Variants in RFX3 observed in about 807,000 individuals in gnomAD.
The protein encoded by RFX3 is regulatory factor X3.
RFX3 carries 14 observed loss-of-function variants against 98.6 expected under a neutral mutation model. That is an observed-to-expected ratio of 0.14 (90% CI 0.09 to 0.22). The LOEUF (loss-of-function observed/expected upper bound fraction) is 0.22. RFX3 is among the 10% of genes least tolerant of loss of function. The pLI is 1.00. For synonymous variants in RFX3, 383 were observed against 328.4 expected, an observed-to-expected ratio of 1.17 and a Z score of -1.80; for missense variants, 639 against 926.9, an observed-to-expected ratio of 0.69 and a Z score of 4.03.
intron 1 of RFX3, among the ~76,000 whole-genome samples, chr9:3,402,178 G>C (rs553224884): frequency 6.6e-6 from 1 of 152,222 alleles, no homozygotes; most frequent in African/African-American, 2.4e-5. Flanking sequence ...AAAATAGGTA[G>C]TATCCACCTA....
intron 15 of RFX3, among the ~76,000 whole-genome samples, chr9:3,241,504 G>A (rs951299234): frequency 6.6e-6 from 1 of 152,132 alleles, no homozygotes; most frequent in African/African-American, 2.4e-5. Flanking sequence ...GCAGCCCTGG[G>A]CTGCTGAGTC....
At chr9:3,244,874 AT>A (rs1202823984) in intron 15 of RFX3, among the ~76,000 whole-genome samples, 3 of 152,198 alleles carry the variant, frequency 2.0e-5, no homozygotes, top group Admixed American at 6.5e-5. Context: ...GTAAAAATCC[AT>A]TTTTTTCATC....
chr9:3,510,801 A>G (rs1467440209), intron 1 of RFX3, among the ~76,000 whole-genome samples: 4 of 152,006 alleles, frequency 2.6e-5, no homozygotes, highest in African/African-American at 7.2e-5. Flanking sequence ...TGTTTGGCTC[A>G]TTAAACTTTA....
intron 2 of RFX3, among the ~76,000 whole-genome samples, chr9:3,390,211 G>A (rs368650971): frequency 8.5e-5 from 13 of 152,208 alleles, no homozygotes; most frequent in African/African-American, 3.1e-4. Context: ...CCCTGTGGTA[G>A]GTGATTGAAT....
chr9:3,363,432 A>G (rs544940827), intron 2 of RFX3, among the ~76,000 whole-genome samples: 76 of 152,324 alleles, frequency 5.0e-4, no homozygotes, highest in African/African-American at 1.7e-3. Context: ...GTCTATTGAT[A>G]TTATGCATAT....
At chr9:3,289,588 G>A (rs1028265131) in intron 6 of RFX3, among the ~76,000 whole-genome samples, 8 of 152,112 alleles carry the variant, frequency 5.3e-5, no homozygotes, top group African/African-American at 1.9e-4. Flanking sequence ...AACTACAGAG[G>A]AAAATGATGT....
At chr9:3,457,677 G>C (rs918130215) in intron 1 of RFX3, among the ~76,000 whole-genome samples, 1 of 151,908 alleles carries the variant, frequency 6.6e-6, no homozygotes, top group Non-Finnish European at 1.5e-5. Flanking sequence ...AGTTTTATAA[G>C]ACATTTGTAT....
intron 3 of RFX3, among the ~76,000 whole-genome samples, chr9:3,334,636 G>A (rs1832958782): frequency 6.6e-6 from 1 of 152,164 alleles, no homozygotes; most frequent in Non-Finnish European, 1.5e-5. Flanking sequence ...CGACTGTGGA[G>A]AAGCCTTGGC....
At chr9:3,287,054 T>G (rs1333519177) in intron 7 of RFX3, among the ~76,000 whole-genome samples, 1 of 151,908 alleles carries the variant, frequency 6.6e-6, no homozygotes, top group Non-Finnish European at 1.5e-5. Flanking sequence ...TTTTCCATTC[T>G]CCATGTGCCT....
intron 2 of RFX3, among the ~76,000 whole-genome samples, chr9:3,354,784 T>A (rs79838056): frequency 0.072 from 10,907 of 151,792 alleles, 488 homozygotes; most frequent in African/African-American, 0.12. Flanking sequence ...TCAGAAATAA[T>A]AAATTTTTAG....
chr9:3,414,755 A>G (rs562212981), intron 1 of RFX3, among the ~76,000 whole-genome samples: 1 of 128,902 alleles, frequency 7.8e-6, no homozygotes, highest in African/African-American at 3.0e-5. Flanking sequence ...AGTATATATG[A>G]GTATATATGT....
intron 15 of RFX3, chr9:3,247,166 C>T: frequency 1.0e-6 from 1 of 985,394 alleles, no homozygotes; most frequent in Non-Finnish European, 1.2e-6. Flanking sequence ...ATAAACTACC[C>T]CCGCCTCCTG....
At chr9:3,520,534 C>G (rs920624061) in intron 1 of RFX3, among the ~76,000 whole-genome samples, 1 of 152,098 alleles carries the variant, frequency 6.6e-6, no homozygotes, top group Non-Finnish European at 1.5e-5. Context: ...AAATAAAATA[C>G]AAAAAGCAAT....
chr9:3,417,616 T>C (rs1384966662), intron 1 of RFX3, among the ~76,000 whole-genome samples: 3 of 152,062 alleles, frequency 2.0e-5, no homozygotes, highest in African/African-American at 7.2e-5. Flanking sequence ...CTGAAGAAAA[T>C]GAACACATAC....
At chr9:3,262,427 C>G (rs948707040) in intron 13 of RFX3, among the ~76,000 whole-genome samples, 1 of 152,096 alleles carries the variant, frequency 6.6e-6, no homozygotes, top group African/African-American at 2.4e-5. Flanking sequence ...TAAATATTTA[C>G]TAGGCAGCTA....
intron 1 of RFX3, among the ~76,000 whole-genome samples, chr9:3,442,802 A>G (rs1845716938): frequency 6.6e-6 from 1 of 152,242 alleles, no homozygotes; most frequent in African/African-American, 2.4e-5. Context: ...AAGAAGACAT[A>G]AACATATTTT....
chr9:3,378,650 G>A (rs1257171362), intron 2 of RFX3, among the ~76,000 whole-genome samples: 4 of 147,710 alleles, frequency 2.7e-5, no homozygotes, highest in South Asian at 2.1e-4. Context: ...TCTGCCTCCC[G>A]GGTTCAAGCG....
At chr9:3,225,364 A>G in intron 16 of RFX3, 84 bp from the exon 17 acceptor site, 1 of 1,545,598 alleles carries the variant, frequency 6.5e-7, no homozygotes, top group Non-Finnish European at 8.7e-7. Context: ...ACACTTTAAT[A>G]TAGGACATTA....
chr9:3,292,081 A>C lies in RFX3; in HGVS notation c.731+996T>G, dbSNP rs1289056394. On this transcript the variant is annotated intron_variant, in intron 6 of 16. Coordinates refer to ENST00000617270, the MANE Select transcript of RFX3 (RefSeq NM_001282116.2). ...CATCTCAAAAAAAAAAAAAAAAAAA[A>C]AAAAAAAAAAAAAAAAAAACTCTTT... 2.6e-4 allele frequency among the ~76,000 whole-genome samples: 37 copies of C among 143,952 alleles called. 1 individual carries two copies. The highest frequency in any genetic ancestry group is 8.3e-4 in the African/African-American group (33 of 39,666). The allele number at this position is 143,952 out of a possible 152,430, so 94.4% of individuals were successfully genotyped here. A position where few individuals can be genotyped will look rare whatever the true frequency, so the allele number is the denominator to read the frequency against.
Sources: allele counts gnomAD v4.1 joint callset (sites outside exome capture counted in the v4.1 genomes callset), GRCh38; gene constraint gnomAD v4.1.1; transcripts MANE v1.5; gene names NCBI Gene and HGNC (gene_info 2026-07-23, HGNC 2026-07-21).